Variants in PIGQ observed in about 807,000 individuals in gnomAD.
PIGQ encodes the protein phosphatidylinositol glycan anchor biosynthesis class Q, also known as phosphatidylinositol N-acetylglucosaminyltransferase subunit Q.
Under a neutral mutation model 60.3 loss-of-function variants are expected in PIGQ, and 54 were observed. That is an observed-to-expected ratio of 0.90 (90% CI 0.72 to 1.12). The LOEUF (loss-of-function observed/expected upper bound fraction) is 1.12. Among genes scored for constraint, PIGQ ranks in the 50% most tolerant of loss-of-function variants. PIGQ has a pLI of 0.00. For synonymous variants in PIGQ, 416 were observed against 363.7 expected (o/e 1.14, Z -1.64); for missense variants, 799 against 793.5 (o/e 1.01, Z -0.08).
intron 10 of PIGQ, 63 bp from the exon 11 acceptor site, chr16:582,820 C>G: frequency 6.6e-7 from 1 of 1,521,460 alleles, no homozygotes; most frequent in East Asian, 2.3e-5. Context: ...CGCCCCCACC[C>G]TCTCTCTGCA....
At chr16:582,127 G>A (rs767326056) in intron 9 of PIGQ, 121 bp from the exon 10 acceptor site, 20 of 757,966 alleles carry the variant, frequency 2.6e-5, no homozygotes, top group South Asian at 1.2e-4. Flanking sequence ...GGAGAGCTTC[G>A]TGGGTGGCCA....
chr16:582,036 G>A (rs763943725), intron 9 of PIGQ: 66 of 646,346 alleles, frequency 1.0e-4, no homozygotes, highest in Admixed American at 5.5e-4. Flanking sequence ...GATTACAGGC[G>A]TGAGCCACCG....
intron 4 of PIGQ, among the ~76,000 whole-genome samples, chr16:577,529 A>G (rs575193848): frequency 2.7e-5 from 4 of 149,810 alleles, no homozygotes; most frequent in Non-Finnish European, 5.9e-5. Flanking sequence ...GTGAGCCGAG[A>G]TCTCACCACT....
At chr16:572,720 C>T (rs1348218048) in intron 1 of PIGQ, 1 of 455,768 alleles carries the variant, frequency 2.2e-6, no homozygotes, top group African/African-American at 2.0e-5. Context: ...CGCTCTGTTC[C>T]CTCGTCCCTA....
At position 580,987 on chromosome 16, in the gene PIGQ, T is replaced by A; in HGVS notation, c.1531+15T>A. The A allele has an allele frequency of 6.5e-7, 1 of 1,533,360 alleles. No homozygotes were observed. Among genetic ancestry groups the A allele is most frequent in the Non-Finnish European group, 9.0e-7 (1 of 1,108,064 alleles). 95.0% of individuals were successfully genotyped at this position (1,533,360 alleles called of 1,614,324 possible). ...CAGGCTGGCGGGTAAGTGCTGCGTA[T>A]TGGGCAGCTGGCCCTGGGTAGGTGG... On this transcript the variant is annotated intron_variant, in intron 9 of 10. Transcript: ENST00000321878.
intron 4 of PIGQ, chr16:576,781 C>T: frequency 2.7e-6 from 1 of 377,188 alleles, no homozygotes; most frequent in Non-Finnish European, 4.7e-6. Context: ...CAGCCGGGTG[C>T]AGCCCCCTCC....
In PIGQ at chr16:574,774, C is replaced by G; in HGVS notation, c.689+11C>G. 1.3e-6 allele frequency: 2 copies of G among 1,539,924 alleles called. No homozygotes were observed. Among genetic ancestry groups the G allele is most frequent in the South Asian group, 1.2e-5 (1 of 82,490 alleles). ...TGTCAGTGCCTGCCGGTAGGTGTCC[C>G]GGGACAGGCAGGTGGCAAAGAGTGG... On this transcript the variant is annotated intron_variant, in intron 2 of 10. Coordinates refer to ENST00000321878, the MANE Select transcript of PIGQ (RefSeq NM_004204.5).
At chr16:582,815 C>T in intron 10 of PIGQ, 68 bp from the exon 11 acceptor site, 1 of 1,506,496 alleles carries the variant, frequency 6.6e-7, no homozygotes, top group Non-Finnish European at 9.0e-7. Context: ...CTGCCCGCCC[C>T]CACCCTCTCT....
At position 583,746 on chromosome 16, in the gene PIGQ, C is replaced by T. The variant is rs760641703; in HGVS notation, c.*711C>T. On this transcript the variant is annotated 3_prime_UTR_variant, in exon 11 of 11. Transcript: ENST00000321878. ...CCGTACCTATTCGTCCACGGTGCCC[C>T]GTAGCAGCAGGTCCTGCGGCCAAAT... 4.1e-5 allele frequency: 52 copies of T among 1,283,564 alleles called. No individual in the cohort carries two copies. The highest frequency in any genetic ancestry group is 8.7e-5 in the African/African-American group (6 of 68,644). The allele number at this position is 1,283,564 out of a possible 1,614,324, so 79.5% of individuals were successfully genotyped here.
Position 583,633 on chromosome 16 carries a change from G to A in PIGQ, c.*598G>A, listed in dbSNP as rs763562577. On this transcript the variant is annotated 3_prime_UTR_variant, in exon 11 of 11. Transcript: ENST00000321878. ...ATGTTCCCTGGAGAGGTCGCTTTGT[G>A]AAGAAACCATCAGCAGGCTGTGAGC... is the stretch of plus-strand genomic sequence containing the variant. The A allele has an allele frequency of 6.8e-6, 11 of 1,612,554 alleles. No homozygotes were observed. In the East Asian group the frequency reaches 1.6e-4, roughly 23 times the overall value.
rs1219065717 is a variant in PIGQ, at chr16:574,174, G to A, written c.100G>A (p.Ala34Thr). Residue 34 changes from alanine to threonine, a missense_variant, in exon 2 of 11, where the codon GCG becomes ACG. By Grantham distance (58) the Ala-to-Thr change is moderately conservative (BLOSUM62 0). Transcript: ENST00000321878. ...GGAGCAGAGCAGCGCCGTGGTCCTG[G>A]CGGTCCTGCACTTTCCCTTCATCCC... ...VPEQSSAVVL[A>T]VLHFPFIPIQ... The A allele has an allele frequency of 8.1e-6, 13 of 1,612,520 alleles. No homozygotes were observed. Among genetic ancestry groups the A allele is most frequent in the African/African-American group, 1.3e-5 (1 of 74,916 alleles).
At chr16:581,144 G>T in intron 9 of PIGQ, 172 bp downstream of exon 9, 2 of 1,465,820 alleles carry the variant, frequency 1.4e-6, no homozygotes, top group Non-Finnish European at 1.8e-6. Flanking sequence ...AGGTCTGCAG[G>T]ACCAGCTGCC....
At position 574,162 on chromosome 16, in the gene PIGQ, G is replaced by A. The variant is rs202132810; in HGVS notation, c.88G>A (p.Ala30Thr). ...ACGGTGGGTGCCGGAGCAGAGCAGC[G>A]CCGTGGTCCTGGCGGTCCTGCACTT... ...VGRWVPEQSS[A>T]VVLAVLHFPF... The change falls in exon 2 of 11, where the codon GCC becomes ACC. Residue 30 changes from alanine (A) to threonine (T), a missense_variant. Ala to Thr is a moderately conservative substitution (Grantham distance 58). Coordinates refer to ENST00000321878, the MANE Select transcript of PIGQ (RefSeq NM_004204.5). The A allele has an allele frequency of 1.1e-5, 17 of 1,612,578 alleles. No individual in the cohort carries two copies. The highest frequency in any genetic ancestry group is 2.7e-5 in the African/African-American group (2 of 75,036).
rs1214578380 is a variant in PIGQ at position 583,868 on chromosome 16, C to T, written c.*833C>T. 8.4e-6 allele frequency: 5 copies of T among 597,114 alleles called. No individual in the cohort carries two copies. In the East Asian group the frequency reaches 8.6e-5, roughly 10 times the overall value. The allele number at this position is 597,114 out of a possible 1,614,324, so 37.0% of individuals were successfully genotyped here. A position where few individuals can be genotyped will look rare whatever the true frequency, so the allele number is the denominator to read the frequency against. ...AGTGTGAGTGGCCTGGGGAGGGGGC[C>T]GTGGCACTGAGGCCGAAAGTGCCTG... On this transcript the variant is annotated 3_prime_UTR_variant, in exon 11 of 11. Transcript: ENST00000321878.
In PIGQ at chr16:583,358, C is replaced by A. The variant is rs2035844392; in HGVS notation, c.*323C>A. 1 of 1,612,574 alleles carries A rather than the reference C, an allele frequency of 6.2e-7. No homozygotes were observed. On this transcript the variant is annotated 3_prime_UTR_variant, in exon 11 of 11. Transcript: ENST00000321878. Reference sequence around the variant, plus strand: ...ACTGCCCCATGCCCACCCTGTGTACCCAGGTCCAGAGGGTCCGTCCACCAC... The same window carrying A: ...ACTGCCCCATGCCCACCCTGTGTACACAGGTCCAGAGGGTCCGTCCACCAC...
chr16:571,114 TAGCCTG>T (rs1567173460), intron 1 of PIGQ, among the ~76,000 whole-genome samples: 13 of 44,916 alleles, frequency 2.9e-4, no homozygotes, highest in East Asian at 2.3e-3. Context: ...TGTGTCTGGC[TAGCCTG>T]GTGCCCGTGT....
At chr16:576,298 G>T in intron 4 of PIGQ, 44 bp downstream of exon 4, 1 of 1,537,932 alleles carries the variant, frequency 6.5e-7, no homozygotes. Flanking sequence ...GTGGGCGTGG[G>T]GACCCCTCCT....
Position 578,832 on chromosome 16 carries a change from G to C in PIGQ, c.1117G>C (p.Val373Leu). 1 of 1,613,770 alleles carries C rather than the reference G, an allele frequency of 6.2e-7. No individual in the cohort carries two copies. Among genetic ancestry groups the C allele is most frequent in the African/African-American group, 1.3e-5 (1 of 75,066 alleles). ...SPFVEHILWH[V>L]GLSACLGLTV... Reference sequence around the variant, plus strand: ...CTTCGTGGAGCACATCCTTTGGCACGTGGGCCTCTCGGCCTGCCTGGGCCT... The same window carrying C: ...CTTCGTGGAGCACATCCTTTGGCACCTGGGCCTCTCGGCCTGCCTGGGCCT... The change falls in exon 6 of 11, where the codon GTG (valine) becomes CTG (leucine). Residue 373 changes from valine to leucine, a missense_variant. Val to Leu is a conservative substitution (Grantham distance 32). Transcript: ENST00000321878.
At chr16:571,665 C>G (rs1278386269) in intron 1 of PIGQ, among the ~76,000 whole-genome samples, 1 of 149,938 alleles carries the variant, frequency 6.7e-6, no homozygotes, top group Non-Finnish European at 1.5e-5. Context: ...GCTCACGTTG[C>G]TTTCTCCCGT....
Sources: gnomAD v4.1 joint callset for allele counts (sites outside exome capture counted in the v4.1 genomes callset) on GRCh38, gnomAD v4.1.1 for gene constraint, MANE v1.5 for transcripts, NCBI Gene and HGNC (gene_info 2026-07-23, HGNC 2026-07-21) for gene names.